Variants in RGS22 observed in about 807,000 individuals in gnomAD.
RGS22 encodes regulator of G-protein signaling 22.
In RGS22, 148 loss-of-function variants were observed where a neutral mutation model predicts 172.9. The observed-to-expected ratio is 0.86, with a 90% CI of 0.75 to 0.98. The LOEUF (loss-of-function observed/expected upper bound fraction) is 0.98, where lower values mean the gene tolerates loss of function less well. RGS22 is among the 50% of genes least tolerant of loss of function. RGS22 has a pLI of 0.00. For synonymous variants in RGS22, 458 were observed against 480.2 expected (o/e 0.95, Z 0.60); for missense variants, 1,347 against 1,440.8 (o/e 0.93, Z 1.05).
intron 10 of RGS22, among the ~76,000 whole-genome samples, chr8:100,051,063 T>C (rs1334679777): frequency 2.0e-5 from 3 of 152,026 alleles, no homozygotes; most frequent in Non-Finnish European, 2.9e-5. Flanking sequence ...ATAGAAATAA[T>C]AAGCCTCAAG....
intron 23 of RGS22, among the ~76,000 whole-genome samples, chr8:99,975,456 T>C (rs1216175884): frequency 6.6e-6 from 1 of 152,144 alleles, no homozygotes; most frequent in Admixed American, 6.5e-5. Context: ...TGGCTAGGGT[T>C]ATGCTATATT....
rs780650777 is a variant in RGS22 at position 100,066,121 on chromosome 8, A to G, written c.724+46T>C. ...TGTAAAATTAGAACAAACAAACAAA[A>G]ACTTAAAGAGAAGTTCTGAAGTCAT... On this transcript the variant is annotated intron_variant, in intron 7 of 27. Transcript: ENST00000360863. 8.9e-6 allele frequency: 14 copies of G among 1,579,774 alleles called. No individual in the cohort carries two copies. In the South Asian group the frequency reaches 1.6e-4, roughly 18 times the overall value.
Position 99,977,902 on chromosome 8 carries a change from T to G in RGS22, c.3519+15A>C, listed in dbSNP as rs1246588974. The G allele has an allele frequency of 1.3e-6, 2 of 1,546,864 alleles. No homozygotes were observed. The highest frequency in any genetic ancestry group is 2.9e-5 in the African/African-American group (2 of 70,162). ...TTTAAAAGTCTGATAAAACCCAAAA[T>G]GAGTCTTGTCTCACCTTTCCAGATT... On this transcript the variant is annotated intron_variant, in intron 23 of 27. Transcript: ENST00000360863.
intron 18 of RGS22, among the ~76,000 whole-genome samples, chr8:100,001,787 C>T (rs1815119951): frequency 6.6e-6 from 1 of 152,068 alleles, no homozygotes; most frequent in Non-Finnish European, 1.5e-5. Context: ...CAGAGAAGAA[C>T]AGAAAAGTAG....
At chr8:99,991,514 C>T (rs1813718569) in intron 20 of RGS22, among the ~76,000 whole-genome samples, 1 of 152,070 alleles carries the variant, frequency 6.6e-6, no homozygotes, top group African/African-American at 2.4e-5. Context: ...AGAAGGGTAT[C>T]AGTGATTAAA....
At chr8:100,013,509 G>C (rs887797086) in intron 14 of RGS22, among the ~76,000 whole-genome samples, 1 of 152,102 alleles carries the variant, frequency 6.6e-6, no homozygotes, top group Non-Finnish European at 1.5e-5. Flanking sequence ...GATTTAGATA[G>C]TCTACTACTA....
At chr8:99,992,758 A>G (rs1038894863) in intron 20 of RGS22, among the ~76,000 whole-genome samples, 1 of 152,208 alleles carries the variant, frequency 6.6e-6, no homozygotes, top group Non-Finnish European at 1.5e-5. Flanking sequence ...GCTCTGCAAC[A>G]AGCAGACCTA....
intron 12 of RGS22, among the ~76,000 whole-genome samples, chr8:100,040,818 T>A (rs538891409): frequency 1.3e-5 from 2 of 152,138 alleles, no homozygotes; most frequent in Admixed American, 6.5e-5. Flanking sequence ...GTATAAAAAA[T>A]TTAGGGTTTA....
At chr8:100,086,190 A>T (rs185663261) in intron 3 of RGS22, among the ~76,000 whole-genome samples, 1 of 152,256 alleles carries the variant, frequency 6.6e-6, no homozygotes, top group East Asian at 1.9e-4. Context: ...AATAAAAATA[A>T]AAGATACAAG....
At chr8:100,054,100 A>G (rs918424061) in intron 9 of RGS22, among the ~76,000 whole-genome samples, 3 of 152,162 alleles carry the variant, frequency 2.0e-5, no homozygotes, top group Non-Finnish European at 2.9e-5. Flanking sequence ...GTCTGGCACA[A>G]TATTAAGGCC....
intron 14 of RGS22, among the ~76,000 whole-genome samples, chr8:100,018,405 G>T (rs1817241739): frequency 6.9e-6 from 1 of 145,184 alleles, no homozygotes; most frequent in Admixed American, 7.1e-5. Context: ...AAAAAGAATG[G>T]AGAAAAAAAT....
Position 100,080,228 on chromosome 8 carries a change from T to C in RGS22, c.245A>G (p.Tyr82Cys). ...ATTCTTTCCTTTCCTTACAACATCA[T>C]AAATGGGATTTCGAGGTTGCTGGTT... ...LQNQQPRNPI[Y>C]DVVRKGKNEV... Residue 82 changes from tyrosine (Y) to cysteine (C), a missense_variant, in exon 4 of 28, where the codon TAT becomes TGT. Physicochemically the swap from Tyr to Cys is radical, Grantham distance 194. Transcript: ENST00000360863. The C allele has an allele frequency of 6.2e-7, 1 of 1,613,748 alleles. No individual in the cohort carries two copies. Among genetic ancestry groups the C allele is most frequent in the African/African-American group, 1.3e-5 (1 of 75,050 alleles).
At chr8:99,994,835 T>C (rs954337365) in intron 20 of RGS22, among the ~76,000 whole-genome samples, 5 of 152,152 alleles carry the variant, frequency 3.3e-5, no homozygotes, top group African/African-American at 1.2e-4. Flanking sequence ...AGAACAAAGC[T>C]GGAGGCATCA....
At chr8:100,041,420 G>A (rs541717502) in intron 12 of RGS22, among the ~76,000 whole-genome samples, 15 of 151,790 alleles carry the variant, frequency 9.9e-5, no homozygotes, top group African/African-American at 3.4e-4. Context: ...AACCAGGGAG[G>A]TGGAGGTTGC....
At chr8:100,078,121 G>A (rs1361846714) in intron 4 of RGS22, among the ~76,000 whole-genome samples, 1 of 151,924 alleles carries the variant, frequency 6.6e-6, no homozygotes, top group Non-Finnish European at 1.5e-5. Flanking sequence ...TCATTTTTAA[G>A]GTTAGTTTCT....
At chr8:99,996,373 T>G in intron 20 of RGS22, 89 bp downstream of exon 20, 2 of 1,061,492 alleles carry the variant, frequency 1.9e-6, no homozygotes, top group African/African-American at 1.6e-5. Context: ...GTGTCCTCAG[T>G]GAGGATTTTT....
At chr8:100,070,981 T>C (rs1339135751) in intron 6 of RGS22, among the ~76,000 whole-genome samples, 1 of 150,602 alleles carries the variant, frequency 6.6e-6, no homozygotes, top group Non-Finnish European at 1.5e-5. Flanking sequence ...GTAATACAAA[T>C]GCTTTAAATG....
rs1379640121 is a variant in RGS22, at chr8:100,029,494, G to GC, written c.2166+9436_2166+9437insG. ...AGGCACACAGATCATCTGAGGTCAG[G>GC]AGTTCAAGACCAGCCTGACCAGCAT... On this transcript the variant is annotated intron_variant, in intron 14 of 27. Coordinates refer to ENST00000360863, the MANE Select transcript of RGS22 (RefSeq NM_015668.5). Among the ~76,000 whole-genome samples the GC allele has an allele frequency of 3.9e-5, 6 of 152,060 alleles. No individual in the cohort carries two copies. The East Asian group carries it at 5.8e-4, about 15-fold the overall frequency.
intron 10 of RGS22, 35 bp downstream of exon 10, chr8:100,052,767 C>T (rs201355671): frequency 1.2e-4 from 188 of 1,585,628 alleles, no homozygotes; most frequent in Admixed American, 7.2e-4. Context: ...TTACTACAAA[C>T]TTAGTAGAGA....
Sources: gnomAD v4.1 joint callset for allele counts (sites outside exome capture counted in the v4.1 genomes callset) on GRCh38, gnomAD v4.1.1 for gene constraint, MANE v1.5 for transcripts, NCBI Gene and HGNC (gene_info 2026-07-23, HGNC 2026-07-21) for gene names.